STXBP4: variants seen among roughly 807,000 people sequenced by gnomAD.
STXBP4 encodes the protein syntaxin binding protein 4.
A neutral mutation model predicts 76.1 loss-of-function variants in STXBP4; 55 were observed. The observed-to-expected ratio is 0.72, with a 90% confidence interval of 0.58 to 0.91. The LOEUF (loss-of-function observed/expected upper bound fraction) is 0.91. Among genes scored for constraint, STXBP4 ranks in the 40% least tolerant of loss-of-function variants. The pLI, the probability that STXBP4 is intolerant of heterozygous loss-of-function variation, is 0.00. For synonymous variants in STXBP4, 201 were observed against 220.2 expected (o/e 0.91, Z 0.77); for missense variants, 618 against 636.9 (o/e 0.97, Z 0.32).
At chr17:55,134,147 T>A (rs988099821) in intron 16 of STXBP4, among the ~76,000 whole-genome samples, 2 of 151,984 alleles carry the variant, frequency 1.3e-5, no homozygotes, top group Non-Finnish European at 2.9e-5. Flanking sequence ...TTGCATGAGG[T>A]ATGACCACAG....
intron 16 of STXBP4, among the ~76,000 whole-genome samples, chr17:55,092,115 C>T (rs922128504): frequency 6.6e-6 from 1 of 151,992 alleles, no homozygotes; most frequent in African/African-American, 2.4e-5. Flanking sequence ...GATATGAGGA[C>T]GCAAAGACTA....
chr17:54,992,663 A>G (rs1035648514), intron 4 of STXBP4, among the ~76,000 whole-genome samples: 9 of 150,876 alleles, frequency 6.0e-5, no homozygotes, highest in Non-Finnish European at 1.0e-4. Flanking sequence ...ATATAATGCA[A>G]TAGTAGATCA....
chr17:55,155,897 TAA>T lies in STXBP4; in HGVS notation c.1548-3897_1548-3896del, dbSNP rs1183197845. 2.6e-5 allele frequency among the ~76,000 whole-genome samples: 4 copies of T among 152,340 alleles called. No homozygotes were observed. The East Asian group carries it at 7.7e-4, about 29-fold the overall frequency. On this transcript the variant is annotated intron_variant, in intron 17 of 17. Coordinates refer to ENST00000376352, the MANE Select transcript of STXBP4 (RefSeq NM_178509.6). The stretch of plus-strand genomic sequence containing the variant: ...TTCTCTTAGGTTTTTTAATAAGCTC[TAA>T]AATGTGTCTTTCAGTTTACTAATAT...
intron 4 of STXBP4, 104 bp from the exon 5 acceptor site, chr17:54,999,241 T>A: frequency 3.5e-6 from 3 of 845,346 alleles, no homozygotes; most frequent in Non-Finnish European, 5.5e-6. Context: ...TTTACTCTTT[T>A]TGAAGGCATT....
At chr17:54,969,723 G>T (rs1567863661) in intron 1 of STXBP4, among the ~76,000 whole-genome samples, 1 of 152,182 alleles carries the variant, frequency 6.6e-6, no homozygotes, top group African/African-American at 2.4e-5. Context: ...GGAGGCCTGA[G>T]AAATTTTAAC....
At chr17:55,134,691 C>T (rs981292090) in intron 16 of STXBP4, among the ~76,000 whole-genome samples, 6 of 152,224 alleles carry the variant, frequency 3.9e-5, no homozygotes, top group African/African-American at 1.2e-4. Context: ...AAGATCATTT[C>T]ATCCTATTAT....
Position 55,018,452 on chromosome 17 carries a change from G to A in STXBP4, c.666+10855G>A, listed in dbSNP as rs561284617. On this transcript the variant is annotated intron_variant, in intron 8 of 17. Transcript: ENST00000376352. ...GTACAGTTGCAAGATTTAATAGAGT[G>A]AAAACAGAGCTCCCATAGAAAGGGA... Among the ~76,000 whole-genome samples the A allele has an allele frequency of 2.9e-4, 44 of 152,282 alleles. 1 individual carries two copies. Among genetic ancestry groups the A allele is most frequent in the Middle Eastern group, 6.8e-3 (2 of 294 alleles).
At chr17:55,077,235 A>G (rs2079194447) in intron 13 of STXBP4, among the ~76,000 whole-genome samples, 1 of 152,146 alleles carries the variant, frequency 6.6e-6, no homozygotes. Flanking sequence ...TCAATGCATT[A>G]TAAGTGGGAA....
chr17:55,038,000 T>G (rs2078633933), intron 10 of STXBP4, among the ~76,000 whole-genome samples: 1 of 152,126 alleles, frequency 6.6e-6, no homozygotes, highest in Non-Finnish European at 1.5e-5. Flanking sequence ...CAGTCTGTAG[T>G]TACAGATGCT....
At chr17:55,181,951 A>G in the STXBP4 span, among the ~76,000 whole-genome samples, 1 of 152,216 alleles carries the variant, frequency 6.6e-6, no homozygotes, top group Non-Finnish European at 1.5e-5. Flanking sequence ...GTAAGGGTAA[A>G]GTGGAAGATT....
At chr17:55,144,866 A>G (rs1005156098) in intron 17 of STXBP4, among the ~76,000 whole-genome samples, 3 of 152,260 alleles carry the variant, frequency 2.0e-5, no homozygotes, top group African/African-American at 7.2e-5. Flanking sequence ...AACCTTAGGC[A>G]CATTTACTTA....
At position 55,090,855 on chromosome 17, in the gene STXBP4, CTGTGTGTGTGTG is replaced by C. The variant is rs57750914; in HGVS notation, c.1489+9700_1489+9711del. The stretch of plus-strand genomic sequence containing the variant: ...TTAAATTGTGTGTGTGTGTGTGTGT[CTGTGTGTGTGTG>C]TGTGTGTGTGTGTGTGTGTGTGTGT... On this transcript the variant is annotated intron_variant, in intron 16 of 17. Coordinates refer to ENST00000376352, the MANE Select transcript of STXBP4 (RefSeq NM_178509.6). Among the ~76,000 whole-genome samples the C allele has an allele frequency of 1.4e-3, 199 of 147,396 alleles. 1 individual carries two copies. The highest frequency in any genetic ancestry group is 6.8e-3 in the Middle Eastern group (2 of 294).
At position 55,041,258 on chromosome 17, in the gene STXBP4, G is replaced by A. The variant is rs560628334; in HGVS notation, c.856-1978G>A. Among the ~76,000 whole-genome samples, 4 of 139,904 alleles carry A rather than the reference G, an allele frequency of 2.9e-5. No homozygotes were observed. The South Asian group carries it at 6.6e-4, about 23-fold the overall frequency. The allele number at this position is 139,904 out of a possible 152,430, so 91.8% of individuals were successfully genotyped here. On this transcript the variant is annotated intron_variant, in intron 10 of 17. Transcript: ENST00000376352. ...TTTTTTTTTTTTTTTTTGAGACATG[G>A]TCTCACCCTGCCATCAGGCTGGAGT...
chr17:55,011,204 C>G (rs1598199427), intron 8 of STXBP4, among the ~76,000 whole-genome samples: 1 of 151,796 alleles, frequency 6.6e-6, no homozygotes, highest in South Asian at 2.1e-4. Flanking sequence ...TATTGAGCAC[C>G]TTCTGTGATA....
At chr17:55,140,074 TG>T (rs968508237) in intron 16 of STXBP4, among the ~76,000 whole-genome samples, 21 of 151,872 alleles carry the variant, frequency 1.4e-4, no homozygotes, top group African/African-American at 5.1e-4. Flanking sequence ...GAGGCCAAAG[TG>T]GGAGGGTCAC....
chr17:55,023,390 C>G (rs1254552118), intron 8 of STXBP4, among the ~76,000 whole-genome samples: 2 of 152,054 alleles, frequency 1.3e-5, no homozygotes, highest in African/African-American at 4.8e-5. Flanking sequence ...GGAATGGGAC[C>G]TAAGTCTAAA....
chr17:55,025,195 G>A (rs1434165978), intron 8 of STXBP4, among the ~76,000 whole-genome samples: 1 of 151,906 alleles, frequency 6.6e-6, no homozygotes, highest in Non-Finnish European at 1.5e-5. Context: ...TATTACTGTT[G>A]TCCTTATGAA....
Position 54,999,745 on chromosome 17 carries a change from C to G in STXBP4, c.401C>G (p.Ala134Gly), listed in dbSNP as rs1333006089. 1.2e-6 allele frequency: 2 copies of G among 1,613,390 alleles called. No individual in the cohort carries two copies. Among genetic ancestry groups the G allele is most frequent in the East Asian group, 2.2e-5 (1 of 44,788 alleles). ...GCTTCAGGAGAATATGGACCTCAAG[C>G]CTCAACATTAAGTCTTTTTTCTTCT... ...IEASGEYGPQ[A>G]STLSLFSSPP... Residue 134 changes from alanine (A) to glycine (G), a missense_variant, in exon 6 of 18, where the codon GCC (alanine) becomes GGC (glycine). Physicochemically the swap from Ala to Gly is moderately conservative, Grantham distance 60. Transcript: ENST00000376352.
At chr17:55,195,996 A>G in the STXBP4 span, among the ~76,000 whole-genome samples, 2 of 152,132 alleles carry the variant, frequency 1.3e-5, no homozygotes, top group African/African-American at 2.4e-5. Flanking sequence ...AGCTTCAGAA[A>G]TCCTGCCATA....
Sources: gnomAD v4.1 joint callset for allele counts (sites outside exome capture counted in the v4.1 genomes callset) on GRCh38, gnomAD v4.1.1 for gene constraint, MANE v1.5 for transcripts, NCBI Gene and HGNC (gene_info 2026-07-23, HGNC 2026-07-21) for gene names.